The following ABCA5 variants were observed in gnomAD, a reference collection of about 807,000 sequenced individuals.
The protein encoded by ABCA5 is ATP binding cassette subfamily A member 5.
ABCA5 carries 163 observed loss-of-function variants against 206.0 expected under a neutral mutation model. That is an observed-to-expected ratio of 0.79 (90% CI 0.70 to 0.90). The LOEUF is 0.90. ABCA5 is among the 40% of genes least tolerant of loss of function. ABCA5 has a pLI of 0.00. For missense variants in ABCA5, 1,859 were observed against 1,912.9 expected (o/e 0.97, Z 0.53); for synonymous variants, 609 against 613.8 (o/e 0.99, Z 0.11).
At chr17:69,312,570 C>T (rs1220801666) in intron 3 of ABCA5, among the ~76,000 whole-genome samples, 2 of 151,972 alleles carry the variant, frequency 1.3e-5, no homozygotes, top group Non-Finnish European at 2.9e-5. Context: ...TTCTAGCTTC[C>T]TTTTTAAATT....
rs919683356 is a variant in ABCA5 at position 69,249,954 on chromosome 17, A to G, written c.4716T>C (p.Pro1572=). ...GTGAAAGGGACTGAACATCTTCCTT[A>G]GGAATTTTATAAGCCAAAATAGAAG... The part of the protein sequence containing the change: ...SFSSILAYKI[P]KEDVQSLSQS... Residue 1572 remains proline (P), a synonymous_variant, in exon 37 of 39, where the codon CCT becomes CCC. Coordinates refer to ENST00000392676, the MANE Select transcript of ABCA5 (RefSeq NM_172232.4). 5 of 1,503,836 alleles carry G rather than the reference A, an allele frequency of 3.3e-6. No homozygotes were observed. The African/African-American group carries it at 4.2e-5, about 13-fold the overall frequency. 93.2% of individuals were successfully genotyped at this position (1,503,836 alleles called of 1,614,324 possible).
At chr17:69,306,396 T>G (rs1018902803) in intron 6 of ABCA5, among the ~76,000 whole-genome samples, 1 of 152,120 alleles carries the variant, frequency 6.6e-6, no homozygotes, top group African/African-American at 2.4e-5. Flanking sequence ...TTTCCTGAAC[T>G]CTGAAATACA....
chr17:69,299,465 C>CACACAT (rs1383601118), intron 9 of ABCA5, among the ~76,000 whole-genome samples: 2 of 128,272 alleles, frequency 1.6e-5, no homozygotes, highest in African/African-American at 5.7e-5. Flanking sequence ...TACACACACA[C>CACACAT]ACACATACAC....
rs1555584154 is a variant in ABCA5, at chr17:69,303,841, CAT to C, written c.930+826_930+827del. On this transcript the variant is annotated intron_variant, in intron 7 of 38. Transcript: ENST00000392676. ...ATATATATATGTATATATATATATA[CAT>C]ACATATATATATGTATATATATATA... 3.6e-4 allele frequency among the ~76,000 whole-genome samples: 8 copies of C among 22,040 alleles called. 3 individuals are homozygous for C. The highest frequency in any genetic ancestry group is 6.3e-4 in the Non-Finnish European group (8 of 12,652). The allele number at this position is 22,040 out of a possible 152,430, so 14.5% of individuals were successfully genotyped here.
intron 1 of ABCA5, among the ~76,000 whole-genome samples, chr17:69,315,637 G>A (rs1452665458): frequency 6.6e-6 from 1 of 152,050 alleles, no homozygotes; most frequent in East Asian, 1.9e-4. Flanking sequence ...ATAAAAATTA[G>A]CTGGGTGTGG....
At chr17:69,270,829 C>T (rs746267694) in intron 21 of ABCA5, 79 bp from the exon 22 acceptor site, 20 of 1,285,828 alleles carry the variant, frequency 1.6e-5, no homozygotes, top group Non-Finnish European at 1.9e-5. Flanking sequence ...CTTTTCTCAC[C>T]AACAAAGCTA....
intron 23 of ABCA5, among the ~76,000 whole-genome samples, chr17:69,265,665 T>C (rs1292104110): frequency 6.6e-6 from 1 of 152,092 alleles, no homozygotes; most frequent in Non-Finnish European, 1.5e-5. Context: ...GCATGAAATA[T>C]AAAGATTAGT....
At chr17:69,293,240 T>C (rs1406667090) in intron 11 of ABCA5, among the ~76,000 whole-genome samples, 2 of 152,038 alleles carry the variant, frequency 1.3e-5, no homozygotes, top group African/African-American at 4.8e-5. Context: ...TTTAAGAAAT[T>C]GCTTCAGAAG....
At chr17:69,299,429 CCAA>C (rs2075626177) in intron 9 of ABCA5, among the ~76,000 whole-genome samples, 1 of 146,728 alleles carries the variant, frequency 6.8e-6, no homozygotes, top group Non-Finnish European at 1.5e-5. Context: ...AATGCCCATC[CCAA>C]CAACTGGATA....
intron 22 of ABCA5, 136 bp from the exon 23 acceptor site, chr17:69,268,192 G>C: frequency 1.8e-6 from 1 of 541,170 alleles, no homozygotes; most frequent in Non-Finnish European, 3.3e-6. Flanking sequence ...CCCAGGCATA[G>C]TCTACATGAA....
At chr17:69,253,315 A>G (rs2075037596) in intron 34 of ABCA5, among the ~76,000 whole-genome samples, 1 of 152,224 alleles carries the variant, frequency 6.6e-6, no homozygotes. Flanking sequence ...TCAGAACACT[A>G]GAACTCTTTA....
At chr17:69,282,980 C>CTTTT (rs1048269473) in intron 18 of ABCA5, among the ~76,000 whole-genome samples, 34 of 112,990 alleles carry the variant, frequency 3.0e-4, no homozygotes, top group African/African-American at 1.1e-3. Flanking sequence ...TGTTCTTTCC[C>CTTTT]TTTTTTTTTT....
At chr17:69,257,175 G>A (rs1216482895) in intron 28 of ABCA5, among the ~76,000 whole-genome samples, 1 of 152,056 alleles carries the variant, frequency 6.6e-6, no homozygotes, top group African/African-American at 2.4e-5. Context: ...CACCAGCCTA[G>A]CCACCATGGA....
chr17:69,303,003 G>A lies in ABCA5; in HGVS notation c.931-97C>T, dbSNP rs111951145. On this transcript the variant is annotated intron_variant, in intron 7 of 38. Transcript: ENST00000392676. Reference sequence around the variant, plus strand: ...TTCTGAAAGAACAAGCTATTTTCATGAAAAATGCATTCATAAAAATACAAC... The same window carrying A: ...TTCTGAAAGAACAAGCTATTTTCATAAAAAATGCATTCATAAAAATACAAC... 1.2e-3 allele frequency: 665 copies of A among 577,904 alleles called. 5 individuals are homozygous for A. The African/African-American group carries it at 0.012, about 10-fold the overall frequency. The allele number at this position is 577,904 out of a possible 1,614,324, so 35.8% of individuals were successfully genotyped here.
chr17:69,314,146 T>C (rs2075794730), intron 2 of ABCA5, among the ~76,000 whole-genome samples, 168 bp downstream of exon 2: 1 of 152,188 alleles, frequency 6.6e-6, no homozygotes, highest in African/African-American at 2.4e-5. Context: ...AAGCATTAAG[T>C]AATTCAGTTA....
chr17:69,296,763 G>A (rs1567773491), intron 10 of ABCA5, among the ~76,000 whole-genome samples: 2 of 152,112 alleles, frequency 1.3e-5, no homozygotes, highest in Non-Finnish European at 2.9e-5. Flanking sequence ...CTACGAATTC[G>A]AGACCAGTCT....
chr17:69,314,409 T>C lies in ABCA5; in HGVS notation c.7A>G (p.Thr3Ala). The C allele has an allele frequency of 1.9e-6, 3 of 1,608,362 alleles. No homozygotes were observed. The highest frequency in any genetic ancestry group is 2.6e-6 in the Non-Finnish European group (3 of 1,175,588). ...CAAACTCCTACCTCCCTAATTGCAG[T>C]GGACATGTTTTCTGAATAAACCTAT... Reference protein sequence around the residue: MSTAIREVGVWRQ... With the variant: MSAAIREVGVWRQ... The change falls in exon 2 of 39, where the codon ACT (threonine) becomes GCT (alanine). Residue 3 changes from threonine to alanine, a missense_variant. Coordinates refer to ENST00000392676, the MANE Select transcript of ABCA5 (RefSeq NM_172232.4).
At chr17:69,250,082 A>G (rs1404382560) in intron 36 of ABCA5, 98 bp from the exon 37 acceptor site, 6 of 807,192 alleles carry the variant, frequency 7.4e-6, no homozygotes, top group South Asian at 6.6e-5. Flanking sequence ...ATTAAATTCA[A>G]TAACTTATTT....
chr17:69,284,134 A>G lies in ABCA5; in HGVS notation c.2273-62T>C, dbSNP rs1382800316. The G allele has an allele frequency of 3.7e-6, 5 of 1,338,902 alleles. No homozygotes were observed. In the Admixed American group the frequency reaches 1.3e-4, roughly 35 times the overall value. The allele number at this position is 1,338,902 out of a possible 1,614,324, so 82.9% of individuals were successfully genotyped here. A position where few individuals can be genotyped will look rare whatever the true frequency, so the allele number is the denominator to read the frequency against. ...GCATATTATCATAAATTATTGTAAA[A>G]TATCCTTTAAAAATAAGTTCATGAA... On this transcript the variant is annotated intron_variant, in intron 17 of 38. Transcript: ENST00000392676.
Sources: gnomAD v4.1 joint callset for allele counts (sites outside exome capture counted in the v4.1 genomes callset) on GRCh38, gnomAD v4.1.1 for gene constraint, MANE v1.5 for transcripts, NCBI Gene and HGNC (gene_info 2026-07-23, HGNC 2026-07-21) for gene names.